PTPRD: variants seen among roughly 807,000 people sequenced by gnomAD.
The protein encoded by PTPRD is protein tyrosine phosphatase receptor type D.
PTPRD carries 34 observed loss-of-function variants against 214.5 expected under a neutral mutation model. The observed-to-expected ratio is 0.16, with a 90% CI of 0.12 to 0.21. PTPRD has a LOEUF of 0.21. Among genes scored for constraint, PTPRD ranks in the 10% least tolerant of loss-of-function variants. PTPRD has a pLI of 1.00. For synonymous variants in PTPRD, 1,128 were observed against 845.7 expected, an observed-to-expected ratio of 1.33 and a Z score of -5.79; for missense variants, 2,545 against 2,398.7, an observed-to-expected ratio of 1.06 and a Z score of -1.27.
chr9:9,312,894 A>G (rs185886857), intron 9 of PTPRD, among the ~76,000 whole-genome samples: 1 of 152,224 alleles, frequency 6.6e-6, no homozygotes, highest in Non-Finnish European at 1.5e-5. Flanking sequence ...TGTTAGTCGC[A>G]GGACATCCTC....
At chr9:8,922,826 T>C (rs935665831) in intron 11 of PTPRD, among the ~76,000 whole-genome samples, 3 of 150,370 alleles carry the variant, frequency 2.0e-5, no homozygotes. Context: ...TTTTTTTTTT[T>C]TTGTATTTTT....
At chr9:9,265,501 C>T (rs1203550796) in intron 9 of PTPRD, among the ~76,000 whole-genome samples, 2 of 151,432 alleles carry the variant, frequency 1.3e-5, no homozygotes, top group East Asian at 3.9e-4. Context: ...TCAAGTGATC[C>T]CTCTATGTTG....
intron 3 of PTPRD, among the ~76,000 whole-genome samples, chr9:10,270,821 T>C (rs2094375139): frequency 6.6e-6 from 1 of 152,072 alleles, no homozygotes; most frequent in Non-Finnish European, 1.5e-5. Flanking sequence ...TAACATTATG[T>C]AAATTCTTTG....
chr9:10,532,843 G>A (rs1415305467), intron 2 of PTPRD, among the ~76,000 whole-genome samples: 1 of 151,768 alleles, frequency 6.6e-6, no homozygotes, highest in African/African-American at 2.4e-5. Flanking sequence ...GTATTTACCT[G>A]ATCCCTCAGT....
chr9:9,111,123 C>T (rs1233048021), intron 10 of PTPRD, among the ~76,000 whole-genome samples: 1 of 149,944 alleles, frequency 6.7e-6, no homozygotes, highest in Non-Finnish European at 1.5e-5. Context: ...GAACATCTGA[C>T]CTACACTATG....
intron 7 of PTPRD, among the ~76,000 whole-genome samples, chr9:9,680,500 T>C (rs2097044727): frequency 6.6e-6 from 1 of 151,874 alleles, no homozygotes; most frequent in South Asian, 2.1e-4. Flanking sequence ...GAGCCACTAT[T>C]AATGAGAAAT....
At chr9:8,522,602 T>A (rs2097913408) in intron 19 of PTPRD, among the ~76,000 whole-genome samples, 1 of 152,100 alleles carries the variant, frequency 6.6e-6, no homozygotes, top group African/African-American at 2.4e-5. Flanking sequence ...AGAGAAGAGA[T>A]CATATTAAAG....
At chr9:8,514,061 G>T (rs1475336212) in intron 21 of PTPRD, among the ~76,000 whole-genome samples, 1 of 151,984 alleles carries the variant, frequency 6.6e-6, no homozygotes, top group Non-Finnish European at 1.5e-5. Context: ...AATTAAATCA[G>T]AGCTTTTGAA....
chr9:9,892,206 G>T (rs1290031075), intron 5 of PTPRD, among the ~76,000 whole-genome samples: 2 of 152,030 alleles, frequency 1.3e-5, no homozygotes, highest in African/African-American at 4.8e-5. Flanking sequence ...AAAGGAAAAT[G>T]TAGGAAGAAA....
chr9:8,357,160 A>G (rs1041218808), intron 39 of PTPRD, among the ~76,000 whole-genome samples: 1 of 152,222 alleles, frequency 6.6e-6, no homozygotes, highest in African/African-American at 2.4e-5. Flanking sequence ...TCACACTGCA[A>G]TGCCAACAAT....
At chr9:10,475,371 A>C (rs537628187) in intron 2 of PTPRD, among the ~76,000 whole-genome samples, 2 of 152,126 alleles carry the variant, frequency 1.3e-5, no homozygotes, top group African/African-American at 4.8e-5. Context: ...TACACAAATC[A>C]ACTGGAAAAT....
chr9:10,575,558 G>C (rs957807871), intron 2 of PTPRD, among the ~76,000 whole-genome samples: 2 of 152,042 alleles, frequency 1.3e-5, no homozygotes, highest in African/African-American at 4.8e-5. Context: ...AATCAGTCTT[G>C]TAAAGTATGG....
rs141934658 is a variant in PTPRD at position 8,682,274 on chromosome 9, A to C, written c.65-45430T>G. On this transcript the variant is annotated intron_variant, in intron 12 of 45. Coordinates refer to ENST00000381196, the MANE Select transcript of PTPRD (RefSeq NM_002839.4). ...TTATTTATTAAACCTCTTCAATGAG[A>C]CTTCGACTCCTACCGGGATATACCC... Among the ~76,000 whole-genome samples the C allele has an allele frequency of 2.1e-3, 327 of 152,356 alleles. 2 individuals are homozygous for C. The highest frequency in any genetic ancestry group is 0.015 in the East Asian group (79 of 5,184).
At chr9:10,200,726 A>T (rs1475395139) in intron 3 of PTPRD, among the ~76,000 whole-genome samples, 1 of 152,098 alleles carries the variant, frequency 6.6e-6, no homozygotes, top group African/African-American at 2.4e-5. Context: ...GGGGATGAAA[A>T]ACATTTGCAG....
In PTPRD at chr9:9,031,311, T is replaced by C. The variant is rs2099604651; in HGVS notation, c.-142-12576A>G. Among the ~76,000 whole-genome samples the C allele has an allele frequency of 2.0e-5, 3 of 152,066 alleles. 1 individual carries two copies. The highest frequency in any genetic ancestry group is 2.9e-5 in the Non-Finnish European group (2 of 67,982). ...TGTGTCACTTAATGACAGCGATTTA[T>C]TCTGAGAAACGCATTGTTAGGCAAT... On this transcript the variant is annotated intron_variant, in intron 10 of 45. Coordinates refer to ENST00000381196, the MANE Select transcript of PTPRD (RefSeq NM_002839.4).
chr9:10,028,955 G>A (rs1457223800), intron 4 of PTPRD, among the ~76,000 whole-genome samples: 1 of 152,016 alleles, frequency 6.6e-6, no homozygotes, highest in Non-Finnish European at 1.5e-5. Context: ...CCTAGGAGAT[G>A]GCAGGGTGGG....
chr9:10,569,217 T>C (rs2066648521), intron 2 of PTPRD, among the ~76,000 whole-genome samples: 2 of 152,026 alleles, frequency 1.3e-5, no homozygotes, highest in Admixed American at 1.3e-4. Context: ...AAAACCACAG[T>C]GAGATACCAT....
chr9:9,235,935 G>C (rs542313388), intron 9 of PTPRD, among the ~76,000 whole-genome samples: 4 of 152,168 alleles, frequency 2.6e-5, no homozygotes, highest in South Asian at 4.1e-4. Context: ...TTATTAGTCT[G>C]AGTCAATTCT....
intron 14 of PTPRD, among the ~76,000 whole-genome samples, chr9:8,584,414 T>G (rs1200641126): frequency 6.6e-6 from 1 of 151,730 alleles, no homozygotes; most frequent in Non-Finnish European, 1.5e-5. Context: ...TATGTGTGTG[T>G]AGTACATATT....
Sources: gnomAD v4.1 joint callset for allele counts (sites outside exome capture counted in the v4.1 genomes callset) on GRCh38, gnomAD v4.1.1 for gene constraint, MANE v1.5 for transcripts, NCBI Gene and HGNC (gene_info 2026-07-23, HGNC 2026-07-21) for gene names.